The following HMGB1 variants were observed in gnomAD, a reference collection of about 807,000 sequenced individuals.
The protein encoded by HMGB1 is high mobility group box 1.
For missense variants in HMGB1, 79 were observed against 253.5 expected (o/e 0.31, Z 4.67); for synonymous variants, 81 against 84.0 (o/e 0.96, Z 0.19).
chr13:30,459,079 A>G lies in HMGB1; in HGVS notation c.*2278T>C, dbSNP rs1283069377. 6.6e-6 allele frequency: 1 copy of G among 152,104 alleles called. No homozygotes were observed. Among genetic ancestry groups the G allele is most frequent in the Non-Finnish European group, 1.5e-5 (1 of 68,030 alleles). 9.4% of individuals were successfully genotyped at this position (152,104 alleles called of 1,614,324 possible). The stretch of plus-strand genomic sequence containing the variant: ...ATTTAGTCTTTTCTTGATGTCAACA[A>G]AGTCTTTAAACCCCACAGCACTGTA... On this transcript the variant is annotated 3_prime_UTR_variant, in exon 5 of 5. Coordinates refer to ENST00000341423, the MANE Select transcript of HMGB1 (RefSeq NM_002128.7).
At chr13:30,547,718 A>G (rs990634391) in intron 1 of HMGB1, among the ~76,000 whole-genome samples, 1 of 151,942 alleles carries the variant, frequency 6.6e-6, no homozygotes, top group African/African-American at 2.4e-5. Flanking sequence ...GGAGTTTGAG[A>G]CCAGCCTGGC....
At chr13:30,492,517 A>T (rs969249349) in intron 1 of HMGB1, among the ~76,000 whole-genome samples, 1 of 152,206 alleles carries the variant, frequency 6.6e-6, no homozygotes, top group African/African-American at 2.4e-5. Flanking sequence ...ACATGAAAAG[A>T]TGCTCAATAT....
At chr13:30,465,991 A>G (rs1395395260), upstream of HMGB1, 1 of 981,508 alleles carries the variant, frequency 1.0e-6, no homozygotes, top group East Asian at 1.1e-4. Flanking sequence ...GGGCTCGCTC[A>G]TTGGCCCGAT....
At chr13:30,517,020 T>C (rs1472417589) in intron 1 of HMGB1, among the ~76,000 whole-genome samples, 1 of 152,216 alleles carries the variant, frequency 6.6e-6, no homozygotes, top group Non-Finnish European at 1.5e-5. Context: ...TGAAAATAAG[T>C]ATTTCGAATG....
chr13:30,583,949 G>A (rs945159841), intron 1 of HMGB1, among the ~76,000 whole-genome samples: 9 of 151,958 alleles, frequency 5.9e-5, no homozygotes, highest in Admixed American at 5.3e-4. Context: ...AGGCTCCAGT[G>A]AGCTATGACA....
chr13:30,530,628 T>C (rs1888473531), intron 1 of HMGB1, among the ~76,000 whole-genome samples: 1 of 152,218 alleles, frequency 6.6e-6, no homozygotes, highest in African/African-American at 2.4e-5. Context: ...AATAAGGGAA[T>C]GGTGAAATAA....
intron 1 of HMGB1, among the ~76,000 whole-genome samples, chr13:30,600,850 C>G (rs1950391284): frequency 6.6e-6 from 1 of 152,160 alleles, no homozygotes; most frequent in Admixed American, 6.5e-5. Context: ...GAAGAAGAAA[C>G]AGGCTCAGAT....
intron 1 of HMGB1, among the ~76,000 whole-genome samples, chr13:30,557,663 CT>C (rs1869745478): frequency 6.6e-6 from 1 of 152,234 alleles, no homozygotes; most frequent in South Asian, 2.1e-4. Context: ...TTGCAAGACA[CT>C]TCCAGGGGAA....
intron 1 of HMGB1, among the ~76,000 whole-genome samples, chr13:30,613,044 C>G (rs1001127997): frequency 3.9e-5 from 6 of 152,074 alleles, no homozygotes; most frequent in African/African-American, 1.4e-4. Context: ...CTTGTTAATG[C>G]AAATTTGAGT....
chr13:30,495,483 T>C (rs1469703403), intron 1 of HMGB1, among the ~76,000 whole-genome samples: 1 of 148,198 alleles, frequency 6.7e-6, no homozygotes. Flanking sequence ...TTCTTTTCTT[T>C]TTTTTTTTTT....
chr13:30,465,136 C>G, intron 1 of HMGB1: 2 of 970,800 alleles, frequency 2.1e-6, no homozygotes, highest in Non-Finnish European at 2.4e-6. Context: ...CCAGCAGCGC[C>G]GGGCCCGAGT....
intron 1 of HMGB1, among the ~76,000 whole-genome samples, chr13:30,615,053 T>C (rs1191413832): frequency 1.3e-5 from 2 of 152,060 alleles, no homozygotes; most frequent in Non-Finnish European, 2.9e-5. Flanking sequence ...AATGTATAAA[T>C]TAACCTTAAG....
At chr13:30,583,563 A>G (rs1206251536) in intron 1 of HMGB1, among the ~76,000 whole-genome samples, 1 of 149,592 alleles carries the variant, frequency 6.7e-6, no homozygotes, top group Non-Finnish European at 1.5e-5. Flanking sequence ...AAGCAGGGCA[A>G]GGTGGCTCAC....
rs374083624 is a variant in HMGB1, at chr13:30,616,089, C to T, written c.-15+582G>A. Among the ~76,000 whole-genome samples, 5 of 152,286 alleles carry T rather than the reference C, an allele frequency of 3.3e-5. No homozygotes were observed. The East Asian group carries it at 7.7e-4, about 24-fold the overall frequency. The stretch of plus-strand genomic sequence containing the variant: ...GTATTCTCAACTTGGGACCGTTACT[C>T]TATAATATAAACGAAAGGGGTTTTC... On this transcript the variant is annotated intron_variant, in intron 1 of 4. Coordinates refer to the HMGB1 transcript ENST00000405805.
chr13:30,465,125 G>A (rs1054647792), intron 1 of HMGB1: 4 of 968,296 alleles, frequency 4.1e-6, no homozygotes, highest in Non-Finnish European at 4.9e-6. Context: ...TTTCTCTCCA[G>A]CCAGCAGCGC....
At chr13:30,475,225 C>CT (rs371643884) in intron 1 of HMGB1, among the ~76,000 whole-genome samples, 20,596 of 92,466 alleles carry the variant, frequency 0.22, 3,122 homozygotes, top group East Asian at 0.45. Flanking sequence ...CTCTCTCTCT[C>CT]TTTTTTTTTT....
chr13:30,540,659 A>G (rs932014985), intron 1 of HMGB1: 19 of 148,212 alleles, frequency 1.3e-4, no homozygotes, highest in Non-Finnish European at 1.9e-4. Context: ...ATCTTGGCTC[A>G]TCACAACCTC....
chr13:30,479,356 T>A (rs908477181), intron 1 of HMGB1, among the ~76,000 whole-genome samples: 1 of 152,154 alleles, frequency 6.6e-6, no homozygotes, highest in Non-Finnish European at 1.5e-5. Context: ...TATCCTGGAC[T>A]TCAGACTCCT....
At chr13:30,613,935 TGAAATAATGGTACATTATAAAATG>T (rs550431942) in intron 1 of HMGB1, among the ~76,000 whole-genome samples, 177 of 151,310 alleles carry the variant, frequency 1.2e-3, no homozygotes, top group African/African-American at 3.9e-3. Flanking sequence ...ATAGGGTAGA[TGAAATAATGGTACATTATAAAATG>T]GAAGATTATG....
Sources: allele counts gnomAD v4.1 joint callset (sites outside exome capture counted in the v4.1 genomes callset), GRCh38; gene constraint gnomAD v4.1.1; transcripts MANE v1.5; gene names NCBI Gene and HGNC (gene_info 2026-07-23, HGNC 2026-07-21).